The following UNC13B variants were observed in gnomAD, a reference collection of about 807,000 sequenced individuals.
UNC13B encodes the protein unc-13 homolog B.
A neutral mutation model predicts 211.0 loss-of-function variants in UNC13B; 144 were observed. The observed-to-expected ratio is 0.68, with a 90% confidence interval of 0.60 to 0.78. UNC13B has a LOEUF of 0.78. Ranked by LOEUF, UNC13B falls within the 30% of genes least tolerant of loss-of-function variation. The pLI, the probability that UNC13B is intolerant of heterozygous loss-of-function variation, is 0.00. For missense variants in UNC13B, 1,777 were observed against 2,002.0 expected (o/e 0.89, Z 2.14); for synonymous variants, 709 against 725.8 (o/e 0.98, Z 0.37).
At chr9:35,297,372 A>G (rs1195616551) in intron 8 of UNC13B, among the ~76,000 whole-genome samples, 1 of 151,608 alleles carries the variant, frequency 6.6e-6, no homozygotes, top group East Asian at 1.9e-4. Context: ...GGCGTGAGCC[A>G]CCGTGCCTGG....
intron 20 of UNC13B, 150 bp downstream of exon 20, chr9:35,381,869 C>A: frequency 2.1e-6 from 2 of 936,004 alleles, no homozygotes; most frequent in South Asian, 3.3e-5. Flanking sequence ...GGTCTATGCC[C>A]CAAGACAAGA....
chr9:35,276,495 T>C (rs1384383867), intron 7 of UNC13B, among the ~76,000 whole-genome samples: 1 of 152,206 alleles, frequency 6.6e-6, no homozygotes, highest in Non-Finnish European at 1.5e-5. Context: ...CTGCAGTTTA[T>C]GTCCATAGAA....
intron 1 of UNC13B, among the ~76,000 whole-genome samples, chr9:35,212,294 C>G (rs773950478): frequency 6.6e-6 from 1 of 152,178 alleles, no homozygotes; most frequent in South Asian, 2.1e-4. Flanking sequence ...AAGAATAGGC[C>G]AGGCGCACTG....
At chr9:35,203,989 G>A (rs1032790584) in intron 1 of UNC13B, among the ~76,000 whole-genome samples, 2 of 152,232 alleles carry the variant, frequency 1.3e-5, no homozygotes, top group East Asian at 1.9e-4. Flanking sequence ...GCCTAGGAAG[G>A]AAGAATGATT....
chr9:35,331,242 G>GT (rs1373500960), intron 11 of UNC13B, among the ~76,000 whole-genome samples: 6 of 152,004 alleles, frequency 3.9e-5, no homozygotes, highest in African/African-American at 1.2e-4. Flanking sequence ...GTTTTGTTTT[G>GT]TTTTTTCGTT....
intron 22 of UNC13B, chr9:35,385,176 G>C (rs1835111565): frequency 2.0e-6 from 2 of 985,438 alleles, no homozygotes; most frequent in Non-Finnish European, 1.2e-6. Context: ...AGTGAATGAA[G>C]TAAGGATGGC....
At chr9:35,260,187 G>A (rs573418040) in intron 7 of UNC13B, among the ~76,000 whole-genome samples, 28 of 148,598 alleles carry the variant, frequency 1.9e-4, no homozygotes, top group African/African-American at 6.7e-4. Flanking sequence ...TGCAGCCTGG[G>A]CAACAGAGCA....
intron 26 of UNC13B, among the ~76,000 whole-genome samples, chr9:35,394,650 G>T (rs1249218825): frequency 6.6e-6 from 1 of 152,146 alleles, no homozygotes; most frequent in Non-Finnish European, 1.5e-5. Flanking sequence ...AGATTAGGGG[G>T]AGATACCAGC....
rs1369683156 is a variant in UNC13B at position 35,386,194 on chromosome 9, C to T, written c.10995C>T (p.Ala3665=). Residue 3665 remains alanine, a synonymous_variant, in exon 24 of 40, where the codon GCC becomes GCT. Coordinates refer to ENST00000635942, the MANE Select transcript of UNC13B (RefSeq NM_001371189.2). Reference sequence around the variant, plus strand: ...AAGAACTGCAAAGCCCTCCAAGAGCCAGCCAGGTGGTAAAGGATTGTGTGA... The same window carrying T: ...AAGAACTGCAAAGCCCTCCAAGAGCTAGCCAGGTGGTAAAGGATTGTGTGA... ...KVQELQSPPR[A]SQVVKDCVKA... The T allele has an allele frequency of 6.2e-7, 1 of 1,614,060 alleles. No homozygotes were observed. Among genetic ancestry groups the T allele is most frequent in the Non-Finnish European group, 8.5e-7 (1 of 1,180,024 alleles).
intron 26 of UNC13B, 108 bp from the exon 27 acceptor site, chr9:35,396,368 C>G: frequency 7.0e-7 from 1 of 1,438,596 alleles, no homozygotes; most frequent in Non-Finnish European, 9.5e-7. Flanking sequence ...TCACCCTTGT[C>G]CTAAGACATC....
At chr9:35,206,408 C>CTAA (rs551946426) in intron 1 of UNC13B, among the ~76,000 whole-genome samples, 1,870 of 152,218 alleles carry the variant, frequency 0.012, 24 homozygotes, top group Non-Finnish European at 0.018. Context: ...CTGGTAACCA[C>CTAA]TAATCTGTCT....
intron 33 of UNC13B, 41 bp from the exon 34 acceptor site, chr9:35,399,120 C>T (rs1315372072): frequency 1.2e-6 from 2 of 1,614,002 alleles, no homozygotes; most frequent in South Asian, 1.1e-5. Flanking sequence ...GAGGGGTTCT[C>T]AAACTCTCAC....
chr9:35,237,497 A>ACAGT (rs1282986262), intron 4 of UNC13B, among the ~76,000 whole-genome samples: 1 of 152,188 alleles, frequency 6.6e-6, no homozygotes, highest in Non-Finnish European at 1.5e-5. Flanking sequence ...AGAGCTGAGC[A>ACAGT]CAGTGAAAGC....
At chr9:35,399,806 G>C in intron 36 of UNC13B, 77 bp downstream of exon 36, 12 of 1,439,426 alleles carry the variant, frequency 8.3e-6, no homozygotes, top group African/African-American at 1.4e-5. Context: ...CCCAGACCAG[G>C]TGTCCCTCCA....
chr9:35,276,256 A>G (rs1336029906), intron 7 of UNC13B, among the ~76,000 whole-genome samples: 2 of 150,840 alleles, frequency 1.3e-5, no homozygotes, highest in African/African-American at 4.9e-5. Flanking sequence ...CAATGAGCCA[A>G]GATTATGCCA....
At chr9:35,280,474 A>T (rs1043518404) in intron 7 of UNC13B, among the ~76,000 whole-genome samples, 1 of 152,138 alleles carries the variant, frequency 6.6e-6, no homozygotes, top group African/African-American at 2.4e-5. Flanking sequence ...CCAGTCTAGG[A>T]CTAAGACTCT....
At chr9:35,280,924 TAC>T (rs1491308064) in intron 7 of UNC13B, among the ~76,000 whole-genome samples, 1 of 152,186 alleles carries the variant, frequency 6.6e-6, no homozygotes, top group Non-Finnish European at 1.5e-5. Context: ...CTATGCTGAG[TAC>T]AGTGTGTGTT....
At chr9:35,256,549 ATG>A (rs534148507) in intron 6 of UNC13B, among the ~76,000 whole-genome samples, 119 of 152,270 alleles carry the variant, frequency 7.8e-4, no homozygotes, top group Admixed American at 1.6e-3. Flanking sequence ...ATGAAAAAGT[ATG>A]GGGTTTTATC....
intron 11 of UNC13B, among the ~76,000 whole-genome samples, chr9:35,341,210 T>G (rs1199933768): frequency 6.6e-6 from 1 of 152,180 alleles, no homozygotes; most frequent in Non-Finnish European, 1.5e-5. Context: ...AATACAGAGT[T>G]CATCTCAGCT....
Sources: allele counts gnomAD v4.1 joint callset (sites outside exome capture counted in the v4.1 genomes callset), GRCh38; gene constraint gnomAD v4.1.1; transcripts MANE v1.5; gene names NCBI Gene and HGNC (gene_info 2026-07-23, HGNC 2026-07-21).